Variants in BEND3 observed in about 807,000 individuals in gnomAD.
The protein encoded by BEND3 is BEN domain containing 3.
A neutral mutation model predicts 60.1 loss-of-function variants in BEND3; 13 were observed. The ratio of observed to expected loss-of-function variants is 0.22; its 90% CI spans 0.14 to 0.34. The LOEUF (loss-of-function observed/expected upper bound fraction) is 0.34, where lower values mean the gene tolerates loss of function less well. Among genes scored for constraint, BEND3 ranks in the 10% least tolerant of loss-of-function variants. The pLI, the probability that BEND3 is intolerant of heterozygous loss-of-function variation, is 1.00. For missense variants in BEND3, 896 were observed against 1,138.1 expected (o/e 0.79, Z 3.06); for synonymous variants, 497 against 491.5 (o/e 1.01, Z -0.15).
chr6:107,108,904 A>G (rs1247096863), intron 1 of BEND3, among the ~76,000 whole-genome samples: 1 of 152,164 alleles, frequency 6.6e-6, no homozygotes, highest in Non-Finnish European at 1.5e-5. Flanking sequence ...TCCCGCGTTC[A>G]AGCAATTCTC....
chr6:107,093,338 G>C (rs1775515512), intron 3 of BEND3, among the ~76,000 whole-genome samples: 1 of 152,114 alleles, frequency 6.6e-6, no homozygotes, highest in African/African-American at 2.4e-5. Context: ...GTGGGTGCCT[G>C]TAGTCCCAGC....
chr6:107,073,381 G>A (rs1366298799), intron 3 of BEND3, among the ~76,000 whole-genome samples: 2 of 150,228 alleles, frequency 1.3e-5, no homozygotes, highest in African/African-American at 4.9e-5. Flanking sequence ...GAGGCAGCCT[G>A]TCAGGGGTGG....
intron 3 of BEND3, among the ~76,000 whole-genome samples, chr6:107,079,492 G>C (rs2115005109): frequency 6.6e-6 from 1 of 152,262 alleles, no homozygotes; most frequent in South Asian, 2.1e-4. Flanking sequence ...TATGCCCACT[G>C]GGGCTTCAGG....
At chr6:107,086,094 C>G (rs1265488019) in intron 3 of BEND3, among the ~76,000 whole-genome samples, 3 of 152,152 alleles carry the variant, frequency 2.0e-5, no homozygotes, top group Admixed American at 6.5e-5. Flanking sequence ...GCCGCCTTCT[C>G]TTTTCTTAAG....
intron 3 of BEND3, among the ~76,000 whole-genome samples, chr6:107,093,559 C>T (rs1554235543): frequency 6.6e-6 from 1 of 151,872 alleles, no homozygotes; most frequent in South Asian, 2.1e-4. Flanking sequence ...GGTACTGGGG[C>T]AAGAATAAAC....
At chr6:107,109,472 G>C (rs1280996688) in intron 1 of BEND3, among the ~76,000 whole-genome samples, 4 of 128,370 alleles carry the variant, frequency 3.1e-5, no homozygotes, top group African/African-American at 8.8e-5. Context: ...AGGTGGGGCA[G>C]GCATAGTGGC....
chr6:107,076,566 G>C (rs1432465969), intron 3 of BEND3, among the ~76,000 whole-genome samples: 2 of 152,064 alleles, frequency 1.3e-5, no homozygotes, highest in Non-Finnish European at 2.9e-5. Flanking sequence ...CCAGGGAGTG[G>C]GACACCCTGG....
intron 3 of BEND3, among the ~76,000 whole-genome samples, chr6:107,077,642 T>C (rs782809143): frequency 9.2e-5 from 14 of 152,168 alleles, no homozygotes; most frequent in Admixed American, 3.3e-4. Context: ...TAGCAAGATA[T>C]GAGTGCACCT....
intron 1 of BEND3, chr6:107,114,036 A>C (rs938366787): frequency 2.0e-5 from 3 of 152,208 alleles, no homozygotes; most frequent in Non-Finnish European, 4.4e-5. Flanking sequence ...ACTCTTGTCG[A>C]GTTAGCGTTT....
chr6:107,084,089 G>A (rs1032041654), intron 3 of BEND3, among the ~76,000 whole-genome samples: 1 of 152,174 alleles, frequency 6.6e-6, no homozygotes, highest in Non-Finnish European at 1.5e-5. Context: ...TCTTAAACCC[G>A]TAAGACCGGT....
At chr6:107,080,652 C>A (rs879999427) in intron 3 of BEND3, among the ~76,000 whole-genome samples, 1 of 151,498 alleles carries the variant, frequency 6.6e-6, no homozygotes, top group African/African-American at 2.4e-5. Context: ...GAGGCCAGGG[C>A]GGGTGGATCT....
intron 3 of BEND3, among the ~76,000 whole-genome samples, chr6:107,094,818 CTTTTT>C (rs60923094): frequency 1.6e-5 from 1 of 61,980 alleles, no homozygotes. Context: ...ATGTCACTGC[CTTTTT>C]TTTTTTTTTT....
chr6:107,105,326 G>C (rs10457158), intron 1 of BEND3, among the ~76,000 whole-genome samples: 26,193 of 149,876 alleles, frequency 0.17, 3,062 homozygotes, highest in Non-Finnish European at 0.25. Context: ...AGCCGAGATC[G>C]CGCCACTGCA....
In BEND3 at chr6:107,104,328, G is replaced by C. The variant is rs559956140; in HGVS notation, c.-11-5032C>G. The stretch of plus-strand genomic sequence containing the variant: ...AAAAAAGGAAGAACCACATCACAAA[G>C]AGATAGGCTGGAAAGAGTTACACAC... On this transcript the variant is annotated intron_variant, in intron 1 of 3. Coordinates refer to ENST00000369042, the MANE Select transcript of BEND3 (RefSeq NM_001367314.1). Among the ~76,000 whole-genome samples, 12 of 148,496 alleles carry C rather than the reference G, an allele frequency of 8.1e-5. 1 individual carries two copies. The South Asian group carries it at 2.6e-3, about 32-fold the overall frequency.
intron 3 of BEND3, among the ~76,000 whole-genome samples, chr6:107,097,085 G>GGCCT (rs1235847185): frequency 6.6e-6 from 1 of 152,122 alleles, no homozygotes; most frequent in African/African-American, 2.4e-5. Flanking sequence ...AGTTGTTTTG[G>GGCCT]GCCTGATGCA....
chr6:107,102,417 T>A (rs797035118), intron 1 of BEND3, among the ~76,000 whole-genome samples: 10 of 152,302 alleles, frequency 6.6e-5, no homozygotes, highest in African/African-American at 2.4e-4. Context: ...CCTCTGAATT[T>A]TGAGCCCCTA....
At chr6:107,092,656 G>C (rs1331570775) in intron 3 of BEND3, among the ~76,000 whole-genome samples, 1 of 29,198 alleles carries the variant, frequency 3.4e-5, no homozygotes, top group African/African-American at 8.1e-5. Context: ...TGAAATAAAA[G>C]GTATACTATC....
rs782344791 is a variant in BEND3, at chr6:107,070,619, T to C, written c.572A>G (p.Asn191Ser). 1 of 1,612,306 alleles carries C rather than the reference T, an allele frequency of 6.2e-7. No individual in the cohort carries two copies. The highest frequency in any genetic ancestry group is 8.5e-7 in the Non-Finnish European group (1 of 1,179,894). The change falls in exon 4 of 4, where the codon AAC becomes AGC. Residue 191 changes from asparagine to serine, a missense_variant. This residue lies in a region of BEND3 where 846 missense variants were observed against 1,036.7 expected (regional missense o/e 0.82). Coordinates refer to ENST00000369042, the MANE Select transcript of BEND3 (RefSeq NM_001367314.1). The surrounding 1 kb of genome is among the most constrained non-coding windows in gnomAD (Gnocchi z 6.9). ...STGAGTDNDP[N>S]IYFLIQKMFY... Reference sequence around the variant, plus strand: ...CATCTTCTGGATCAGGAAGTAGATGTTGGGGTCGTTGTCAGTGCCTGCCCC... The same window carrying C: ...CATCTTCTGGATCAGGAAGTAGATGCTGGGGTCGTTGTCAGTGCCTGCCCC...
At chr6:107,112,982 G>A (rs549325637) in intron 1 of BEND3, among the ~76,000 whole-genome samples, 11 of 150,886 alleles carry the variant, frequency 7.3e-5, no homozygotes, top group Non-Finnish European at 1.5e-4. Context: ...CACGGTGAAA[G>A]CCCGTCTCTA....
Sources: gnomAD v4.1 joint callset for allele counts (sites outside exome capture counted in the v4.1 genomes callset) on GRCh38, gnomAD v4.1.1 for gene constraint, gnomAD v4.1.1 regional missense constraint, Gnocchi (gnomAD v3.1) non-coding constraint, MANE v1.5 for transcripts, NCBI Gene and HGNC (gene_info 2026-07-23, HGNC 2026-07-21) for gene names.